USP6NL: variants seen among roughly 807,000 people sequenced by gnomAD.
USP6NL encodes the protein USP6 N-terminal like.
A neutral mutation model predicts 61.9 loss-of-function variants in USP6NL; 26 were observed. The observed-to-expected ratio is 0.42, with a 90% CI of 0.31 to 0.58. USP6NL has a LOEUF of 0.58. Ranked by LOEUF, USP6NL falls within the 20% of genes least tolerant of loss-of-function variation. The pLI, the probability that USP6NL is intolerant of heterozygous loss-of-function variation, is 0.16. For missense variants in USP6NL, 1,114 were observed against 1,034.3 expected (o/e 1.08, Z -1.06); for synonymous variants, 432 against 390.1 (o/e 1.11, Z -1.27).
intron 6 of USP6NL, among the ~76,000 whole-genome samples, chr10:11,508,683 G>C (rs1002692682): frequency 6.6e-6 from 1 of 152,196 alleles, no homozygotes; most frequent in South Asian, 2.1e-4. Context: ...TTAACGTAAC[G>C]AGCAGTGACG....
chr10:11,490,989 A>G lies in USP6NL; in HGVS notation c.495-109T>C, dbSNP rs1205777846. The G allele has an allele frequency of 1.1e-6, 1 of 927,330 alleles. No individual in the cohort carries two copies. Among genetic ancestry groups the G allele is most frequent in the African/African-American group, 1.7e-5 (1 of 58,672 alleles). 57.4% of individuals were successfully genotyped at this position (927,330 alleles called of 1,614,324 possible). On this transcript the variant is annotated intron_variant, in intron 8 of 14. Transcript: ENST00000609104. This position sits in a 1 kb window ranked among gnomAD's most constrained non-coding sequence, Gnocchi z 4.5. ...CTGACTGAAAACAGATAATCCAGAT[A>G]AAATTACTAATGTAATAAATTATCC...
At chr10:11,498,171 G>A (rs1834025576) in intron 7 of USP6NL, among the ~76,000 whole-genome samples, 1 of 142,584 alleles carries the variant, frequency 7.0e-6, no homozygotes, top group Non-Finnish European at 1.5e-5. Context: ...AGGAGGTGGA[G>A]GTTGCAGTGA....
chr10:11,586,256 T>C (rs1837957982), intron 2 of USP6NL, among the ~76,000 whole-genome samples: 3 of 152,002 alleles, frequency 2.0e-5, no homozygotes, highest in Admixed American at 2.0e-4. Flanking sequence ...AAAGGCAAAA[T>C]AATTAGGCAT....
At chr10:11,609,614 T>C (rs1336874420) in intron 1 of USP6NL, among the ~76,000 whole-genome samples, 1 of 152,228 alleles carries the variant, frequency 6.6e-6, no homozygotes, top group Non-Finnish European at 1.5e-5. Context: ...TTGTTTGTTT[T>C]CAGTTTGCTA....
At chr10:11,512,443 T>C (rs996850004) in intron 5 of USP6NL, among the ~76,000 whole-genome samples, 2 of 152,152 alleles carry the variant, frequency 1.3e-5, no homozygotes, top group African/African-American at 4.8e-5. Flanking sequence ...CCTGCTGGGA[T>C]CCTTGTCTTC....
Position 11,610,812 on chromosome 10 carries a change from G to A in USP6NL, c.-84+631C>T, listed in dbSNP as rs545824361. 5.9e-5 allele frequency among the ~76,000 whole-genome samples: 9 copies of A among 152,154 alleles called. No individual in the cohort carries two copies. In the East Asian group the frequency reaches 1.7e-3, roughly 29 times the overall value. On this transcript the variant is annotated intron_variant, in intron 1 of 14. Transcript: ENST00000609104. ...GGAGAGACAACATTTTCAAATTACAGAAACGTGCACCCATGGATTCCTACG... is the reference window on the plus strand; with the variant it reads ...GGAGAGACAACATTTTCAAATTACAAAAACGTGCACCCATGGATTCCTACG...
At chr10:11,493,067 A>T in intron 8 of USP6NL, 52 bp downstream of exon 8, 1 of 1,477,854 alleles carries the variant, frequency 6.8e-7, no homozygotes, top group Non-Finnish European at 9.2e-7. Flanking sequence ...TTAAGTTAAT[A>T]AAGACTATTT....
intron 2 of USP6NL, among the ~76,000 whole-genome samples, chr10:11,552,168 C>T (rs1051198092): frequency 1.3e-5 from 2 of 152,116 alleles, no homozygotes; most frequent in East Asian, 1.9e-4. Flanking sequence ...GGCATACACA[C>T]ACCAATTAAG....
At chr10:11,514,911 A>G (rs913236822) in intron 5 of USP6NL, among the ~76,000 whole-genome samples, 4 of 152,154 alleles carry the variant, frequency 2.6e-5, no homozygotes, top group African/African-American at 4.8e-5. Flanking sequence ...CATTACCTCT[A>G]CTAGCTAAGA....
In USP6NL at chr10:11,600,881, T is replaced by G. The variant is rs567454315; in HGVS notation, c.-83-3164A>C. On this transcript the variant is annotated intron_variant, in intron 1 of 14. Coordinates refer to ENST00000609104, the MANE Select transcript of USP6NL (RefSeq NM_014688.5). This position sits in a 1 kb window ranked among gnomAD's most constrained non-coding sequence, Gnocchi z 4.1. The stretch of plus-strand genomic sequence containing the variant: ...TACTGGAGAGGCTGAGGCAAGAGAA[T>G]TGCTTGAGCCTGGGAGGTGGAGGCT... Among the ~76,000 whole-genome samples, 1 of 152,024 alleles carries G rather than the reference T, an allele frequency of 6.6e-6. No homozygotes were observed. The highest frequency in any genetic ancestry group is 1.5e-5 in the Non-Finnish European group (1 of 68,006).
rs1833056356 is a variant in USP6NL at position 11,478,358 on chromosome 10, G to A, written c.1078+3412C>T. Among the ~76,000 whole-genome samples, 1 of 152,164 alleles carries A rather than the reference G, an allele frequency of 6.6e-6. No homozygotes were observed. Among genetic ancestry groups the A allele is most frequent in the Non-Finnish European group, 1.5e-5 (1 of 68,024 alleles). On this transcript the variant is annotated intron_variant, in intron 14 of 14. Transcript: ENST00000609104. The surrounding 1 kb of genome is among the most constrained non-coding windows in gnomAD (Gnocchi z 6.8). ...GCCACGTTTCATATGGTACACGAGT[G>A]GGGGATGGAATGTGAGACCAGAAAT...
At chr10:11,502,661 A>G (rs148498278) in intron 6 of USP6NL, among the ~76,000 whole-genome samples, 2 of 152,360 alleles carry the variant, frequency 1.3e-5, no homozygotes, top group Middle Eastern at 3.4e-3. Context: ...ACTTTTTTAA[A>G]CTAAAGCTTT....
Position 11,575,964 on chromosome 10 carries a change from T to A in USP6NL, c.4+21667A>T, listed in dbSNP as rs1471867722. ...TGAAATTTGAATATAGTCTATAGAT[T>A]CATCAGTTAATTTCCTAACTATGAC... is the stretch of plus-strand genomic sequence containing the variant. On this transcript the variant is annotated intron_variant, in intron 2 of 14. Coordinates refer to ENST00000609104, the MANE Select transcript of USP6NL (RefSeq NM_014688.5). The surrounding 1 kb of genome is among the most constrained non-coding windows in gnomAD (Gnocchi z 4.2). Among the ~76,000 whole-genome samples, 1 of 152,088 alleles carries A rather than the reference T, an allele frequency of 6.6e-6. No homozygotes were observed. The highest frequency in any genetic ancestry group is 2.4e-5 in the African/African-American group (1 of 41,406).
At position 11,545,697 on chromosome 10, in the gene USP6NL, C is replaced by T. The variant is rs146930557; in HGVS notation, c.5-18130G>A. On this transcript the variant is annotated intron_variant, in intron 2 of 14. Transcript: ENST00000609104. ...CTCAGTAGGCCATACTACAACTTTC[C>T]TGATCAATGTACCTACCAGATGAGA... Among the ~76,000 whole-genome samples, 398 of 149,822 alleles carry T rather than the reference C, an allele frequency of 2.7e-3. 3 individuals are homozygous for T. The highest frequency in any genetic ancestry group is 2.6e-3 in the Non-Finnish European group (173 of 66,340).
chr10:11,611,291 G>A lies in USP6NL; in HGVS notation c.-84+152C>T, dbSNP rs1838885273. ...TGCCCGAGCCGCCCCCCAGGGCCGAGCCGCGAACCGCAGCCGCGTCCCCTC... is the reference window on the plus strand; with the variant it reads ...TGCCCGAGCCGCCCCCCAGGGCCGAACCGCGAACCGCAGCCGCGTCCCCTC... On this transcript the variant is annotated intron_variant, in intron 1 of 14. Transcript: ENST00000609104. The surrounding 1 kb of genome is among the most constrained non-coding windows in gnomAD (Gnocchi z 5.3). 1 of 151,846 alleles carries A rather than the reference G, an allele frequency of 6.6e-6. No individual in the cohort carries two copies. The highest frequency in any genetic ancestry group is 1.5e-5 in the Non-Finnish European group (1 of 67,954). The allele number at this position is 151,846 out of a possible 1,614,324, so 9.4% of individuals were successfully genotyped here.
In USP6NL at chr10:11,576,524, G is replaced by C. The variant is rs570433560; in HGVS notation, c.4+21107C>G. Among the ~76,000 whole-genome samples, 11 of 152,314 alleles carry C rather than the reference G, an allele frequency of 7.2e-5. No individual in the cohort carries two copies. In the East Asian group the frequency reaches 2.1e-3, roughly 29 times the overall value. On this transcript the variant is annotated intron_variant, in intron 2 of 14. Coordinates refer to ENST00000609104, the MANE Select transcript of USP6NL (RefSeq NM_014688.5). ...CAAGAGGTAATCCCAGAGAGCTGCC[G>C]TGCCTTTCCACGACGTGAGGAGAAG...
At chr10:11,552,438 T>C (rs79994571) in intron 2 of USP6NL, among the ~76,000 whole-genome samples, 139 of 152,320 alleles carry the variant, frequency 9.1e-4, no homozygotes, top group African/African-American at 3.3e-3. Context: ...TGAATTCCTG[T>C]TTTCAATGTG....
intron 7 of USP6NL, among the ~76,000 whole-genome samples, chr10:11,494,736 A>G (rs927182569): frequency 3.3e-5 from 5 of 152,116 alleles, no homozygotes; most frequent in African/African-American, 7.2e-5. Context: ...GCAGAGAGAG[A>G]GAGGGAGACA....
chr10:11,573,102 A>T (rs1245692894), intron 2 of USP6NL, among the ~76,000 whole-genome samples: 1 of 152,190 alleles, frequency 6.6e-6, no homozygotes, highest in Non-Finnish European at 1.5e-5. Context: ...TCACTAAAAA[A>T]GGCAATAAAA....
Sources: gnomAD v4.1 joint callset for allele counts (sites outside exome capture counted in the v4.1 genomes callset) on GRCh38, gnomAD v4.1.1 for gene constraint, Gnocchi (gnomAD v3.1) non-coding constraint, MANE v1.5 for transcripts, NCBI Gene and HGNC (gene_info 2026-07-23, HGNC 2026-07-21) for gene names.